PCDHA5: variants seen among roughly 807,000 people sequenced by gnomAD.
PCDHA5 encodes protocadherin alpha-5.
Under a neutral mutation model 61.6 loss-of-function variants are expected in PCDHA5, and 43 were observed. That is an observed-to-expected ratio of 0.70 (90% CI 0.55 to 0.90). The LOEUF is 0.90. PCDHA5 is among the 40% of genes least tolerant of loss of function. The pLI is 0.00. For missense variants in PCDHA5, 1,298 were observed against 1,222.7 expected (o/e 1.06, Z -0.92); for synonymous variants, 627 against 543.9 (o/e 1.15, Z -2.13).
chr5:140,875,792 A>G, intron 1 of PCDHA5: 1 of 1,614,116 alleles, frequency 6.2e-7, no homozygotes, highest in East Asian at 2.2e-5. Context: ...ATCCACCTGG[A>G]GGTGATCGTG....
intron 1 of PCDHA5, among the ~76,000 whole-genome samples, chr5:140,886,582 C>A (rs1304608793): frequency 6.6e-6 from 1 of 151,938 alleles, no homozygotes; most frequent in African/African-American, 2.4e-5. Flanking sequence ...AATCCCAGCA[C>A]TTTGGGAGGC....
chr5:140,851,653 A>T, intron 1 of PCDHA5: 1 of 911,134 alleles, frequency 1.1e-6, no homozygotes. Context: ...TCAAGAAGAC[A>T]TTCTCCTTTT....
Position 140,910,416 on chromosome 5 carries a change from A to G in PCDHA5, c.2353-68533A>G, listed in dbSNP as rs191093101. Among the ~76,000 whole-genome samples, 67 of 152,280 alleles carry G rather than the reference A, an allele frequency of 4.4e-4. No individual in the cohort carries two copies. In the East Asian group the frequency reaches 0.013, roughly 28 times the overall value. ...CTGGCCCCTGCCACCTCGAGATCCAATTATTCCCATTGCATTTAAGTTTTG... is the reference window on the plus strand; with the variant it reads ...CTGGCCCCTGCCACCTCGAGATCCAGTTATTCCCATTGCATTTAAGTTTTG... On this transcript the variant is annotated intron_variant, in intron 1 of 3. Coordinates refer to ENST00000529859, the MANE Select transcript of PCDHA5 (RefSeq NM_018908.3).
In PCDHA5 at chr5:140,967,846, C is replaced by T. The variant is rs151021111; in HGVS notation, c.2353-11103C>T. ...TGGTGGACATCGTGGACGTGAATGA[C>T]AATGCCCCAGAGGTGGTGCTCACGG... On this transcript the variant is annotated intron_variant, in intron 1 of 3. Coordinates refer to ENST00000529859, the MANE Select transcript of PCDHA5 (RefSeq NM_018908.3). 708 of 1,614,166 alleles carry T rather than the reference C, an allele frequency of 4.4e-4. 2 individuals are homozygous for T. Among genetic ancestry groups the T allele is most frequent in the Middle Eastern group, 2.8e-3 (17 of 6,062 alleles).
intron 1 of PCDHA5, chr5:140,866,915 A>C (rs1413291718): frequency 6.6e-6 from 1 of 152,138 alleles, no homozygotes. Context: ...CTCAAAGATG[A>C]GTTCAAAGGG....
intron 1 of PCDHA5, among the ~76,000 whole-genome samples, chr5:140,894,318 T>C (rs1403062288): frequency 1.3e-5 from 2 of 152,086 alleles, no homozygotes; most frequent in Non-Finnish European, 2.9e-5. Context: ...TCTTAAATTA[T>C]AGATTTTAGT....
chr5:140,932,042 A>G (rs1419099942), intron 1 of PCDHA5, among the ~76,000 whole-genome samples: 1 of 151,970 alleles, frequency 6.6e-6, no homozygotes, highest in Non-Finnish European at 1.5e-5. Flanking sequence ...ATATTAACAT[A>G]GCCTGTAATA....
intron 1 of PCDHA5, chr5:140,967,579 C>T: frequency 7.4e-6 from 12 of 1,614,154 alleles, no homozygotes; most frequent in Non-Finnish European, 9.3e-6. Context: ...AGGACTCACC[C>T]CCAGGCACAT....
At chr5:140,854,722 C>G (rs78325333) in intron 1 of PCDHA5, 1 of 149,404 alleles carries the variant, frequency 6.7e-6, no homozygotes, top group African/African-American at 2.5e-5. Flanking sequence ...ACAGAAAACT[C>G]AAGTTTTTTT....
At chr5:140,850,822 T>C (rs2150499747) in intron 1 of PCDHA5, 4 of 1,598,166 alleles carry the variant, frequency 2.5e-6, no homozygotes, top group Non-Finnish European at 3.4e-6. Flanking sequence ...AGCCCGGGCC[T>C]TTCTCCTTGT....
At chr5:140,911,775 C>T (rs1341124275) in intron 1 of PCDHA5, among the ~76,000 whole-genome samples, 1 of 152,096 alleles carries the variant, frequency 6.6e-6, no homozygotes, top group African/African-American at 2.4e-5. Context: ...AAGTACAGTC[C>T]TTAGCATTTT....
intron 1 of PCDHA5, chr5:140,856,159 G>A (rs1554148275): frequency 6.3e-7 from 1 of 1,598,348 alleles, no homozygotes; most frequent in Non-Finnish European, 8.6e-7. Context: ...TCTACGAGGA[G>A]GCCAGACACG....
intron 1 of PCDHA5, among the ~76,000 whole-genome samples, chr5:140,915,901 G>A (rs1339531688): frequency 1.3e-5 from 2 of 152,250 alleles, no homozygotes; most frequent in East Asian, 1.9e-4. Flanking sequence ...CCTGGCCCTG[G>A]GCAGGCCCAG....
chr5:140,864,909 A>G (rs1046704709), intron 1 of PCDHA5: 1 of 152,160 alleles, frequency 6.6e-6, no homozygotes, highest in Non-Finnish European at 1.5e-5. Flanking sequence ...TCAGAATGGC[A>G]TTGCTGAGCT....
At chr5:140,835,531 G>C (rs2150237714) in intron 1 of PCDHA5, 1 of 1,613,964 alleles carries the variant, frequency 6.2e-7, no homozygotes, top group Admixed American at 1.7e-5. Flanking sequence ...GGAGTCAACG[G>C]ACAGGTTACC....
intron 1 of PCDHA5, chr5:140,858,134 G>T (rs1277423393): frequency 3.1e-6 from 5 of 1,597,762 alleles, no homozygotes; most frequent in East Asian, 2.2e-5. Context: ...GGATGTCAAC[G>T]TGTACCTGAT....
At chr5:141,005,302 G>T (rs940194498) in intron 3 of PCDHA5, among the ~76,000 whole-genome samples, 1 of 152,160 alleles carries the variant, frequency 6.6e-6, no homozygotes, top group Non-Finnish European at 1.5e-5. Context: ...TTGCCTTTGT[G>T]AATCTTACAG....
intron 1 of PCDHA5, among the ~76,000 whole-genome samples, chr5:140,959,145 A>C (rs2095470775): frequency 6.6e-6 from 1 of 152,030 alleles, no homozygotes; most frequent in Non-Finnish European, 1.5e-5. Flanking sequence ...GGGAGGCCAA[A>C]GTGGGCAGAT....
rs558801074 is a variant in PCDHA5 at position 140,931,826 on chromosome 5, G to A, written c.2353-47123G>A. On this transcript the variant is annotated intron_variant, in intron 1 of 3. Transcript: ENST00000529859. ...TCTTTAGAAAAGAATTCTTGTCATA[G>A]TATCCTGAATGCCTTAATAACAACA... Among the ~76,000 whole-genome samples, 28 of 151,962 alleles carry A rather than the reference G, an allele frequency of 1.8e-4. No homozygotes were observed. In the South Asian group the frequency reaches 5.4e-3, roughly 29 times the overall value.
Sources: gnomAD v4.1 joint callset for allele counts (sites outside exome capture counted in the v4.1 genomes callset) on GRCh38, gnomAD v4.1.1 for gene constraint, MANE v1.5 for transcripts, NCBI Gene and HGNC (gene_info 2026-07-23, HGNC 2026-07-21) for gene names.